The following EPHA6 variants were observed in gnomAD, a reference collection of about 807,000 sequenced individuals.
The protein encoded by EPHA6 is EPH receptor A6.
Under a neutral mutation model 112.0 loss-of-function variants are expected in EPHA6, and 50 were observed. That is an observed-to-expected ratio of 0.45 (90% CI 0.36 to 0.56). The LOEUF is 0.56. EPHA6 is among the 20% of genes least tolerant of loss of function. The pLI is 0.00. For synonymous variants in EPHA6, 529 were observed against 490.7 expected, an observed-to-expected ratio of 1.08 and a Z score of -1.03; for missense variants, 1,280 against 1,417.4, an observed-to-expected ratio of 0.90 and a Z score of 1.56.
intron 10 of EPHA6, among the ~76,000 whole-genome samples, chr3:97,504,180 C>G (rs987184208): frequency 4.6e-5 from 7 of 152,170 alleles, no homozygotes; most frequent in African/African-American, 1.7e-4. Context: ...TTGTTACAGT[C>G]TTGCCAATGC....
chr3:97,591,812 G>A (rs1451899568), intron 11 of EPHA6, among the ~76,000 whole-genome samples: 4 of 152,100 alleles, frequency 2.6e-5, no homozygotes, highest in Admixed American at 2.6e-4. Context: ...TCTAGTGTGG[G>A]AAGAGTTTGT....
At chr3:97,581,521 G>T (rs931232857) in intron 11 of EPHA6, among the ~76,000 whole-genome samples, 1 of 152,130 alleles carries the variant, frequency 6.6e-6, no homozygotes, top group Non-Finnish European at 1.5e-5. Flanking sequence ...TACCTATACT[G>T]CAAGTTAAAA....
chr3:96,894,091 GAAC>G (rs1306202490), intron 2 of EPHA6, among the ~76,000 whole-genome samples: 5 of 152,254 alleles, frequency 3.3e-5, no homozygotes, highest in Admixed American at 3.3e-4. Flanking sequence ...TTTAAGGACA[GAAC>G]AACAGTCTTG....
chr3:97,372,300 G>A (rs749030303), intron 5 of EPHA6, among the ~76,000 whole-genome samples: 1 of 152,114 alleles, frequency 6.6e-6, no homozygotes, highest in Non-Finnish European at 1.5e-5. Flanking sequence ...AAATAGAAAA[G>A]GACCCAAGTG....
At chr3:97,326,738 A>G (rs1057476899) in intron 5 of EPHA6, among the ~76,000 whole-genome samples, 1 of 152,130 alleles carries the variant, frequency 6.6e-6, no homozygotes, top group Non-Finnish European at 1.5e-5. Flanking sequence ...ACTGCAAAGA[A>G]CAAAATGATT....
At chr3:96,989,552 A>C (rs113087063) in intron 3 of EPHA6, among the ~76,000 whole-genome samples, 47 of 152,212 alleles carry the variant, frequency 3.1e-4, no homozygotes, top group Admixed American at 3.1e-3. Context: ...GTTTGTTCTC[A>C]TACTGCTATA....
In EPHA6 at chr3:97,547,193, GT is replaced by G. The variant is rs1274264319; in HGVS notation, c.2386+14654del. Among the ~76,000 whole-genome samples the G allele has an allele frequency of 3.9e-5, 6 of 152,236 alleles. No homozygotes were observed. The East Asian group carries it at 1.2e-3, about 29-fold the overall frequency. ...GCTCTGTTGTTTTCCCATCTTTGTG[GT>G]TTTATCTACCTTTGGTCTTTGATGA... On this transcript the variant is annotated intron_variant, in intron 11 of 17. Coordinates refer to ENST00000389672, the MANE Select transcript of EPHA6 (RefSeq NM_001080448.3).
chr3:97,348,472 T>C (rs1419689709), intron 5 of EPHA6, among the ~76,000 whole-genome samples: 1 of 151,994 alleles, frequency 6.6e-6, no homozygotes, highest in African/African-American at 2.4e-5. Flanking sequence ...ATTCCACATA[T>C]AAGATGGAGT....
chr3:97,552,247 A>T (rs2093038764), intron 11 of EPHA6, among the ~76,000 whole-genome samples: 1 of 152,328 alleles, frequency 6.6e-6, no homozygotes, highest in East Asian at 1.9e-4. Context: ...TTATAAGATA[A>T]AACAAAATAA....
intron 3 of EPHA6, among the ~76,000 whole-genome samples, chr3:97,002,657 A>C (rs981490739): frequency 6.6e-6 from 1 of 151,898 alleles, no homozygotes; most frequent in Non-Finnish European, 1.5e-5. Context: ...GTTTTGAGTG[A>C]CATAAAGAAT....
rs112218744 is a variant in EPHA6 at position 97,231,242 on chromosome 3, T to A, written c.1270+4823T>A. ...GTGAAATATAGAGCTTTAGTCAAGT[T>A]TTCCTAGTCCAGACCCAGGAAGCTT... On this transcript the variant is annotated intron_variant, in intron 4 of 17. Coordinates refer to ENST00000389672, the MANE Select transcript of EPHA6 (RefSeq NM_001080448.3). Among the ~76,000 whole-genome samples, 584 of 152,258 alleles carry A rather than the reference T, an allele frequency of 3.8e-3. 4 individuals are homozygous for A. Among genetic ancestry groups the A allele is most frequent in the African/African-American group, 0.013 (533 of 41,566 alleles).
chr3:97,041,363 C>G (rs913511107), intron 3 of EPHA6, among the ~76,000 whole-genome samples: 1 of 152,014 alleles, frequency 6.6e-6, no homozygotes, highest in African/African-American at 2.4e-5. Context: ...ATAGATGGAA[C>G]TGAAAATTTG....
At chr3:97,492,858 G>A (rs1459088275) in intron 10 of EPHA6, among the ~76,000 whole-genome samples, 2 of 151,972 alleles carry the variant, frequency 1.3e-5, no homozygotes, top group Non-Finnish European at 2.9e-5. Flanking sequence ...AGCATTAGAA[G>A]TGGTAGAATA....
At chr3:96,885,205 C>G (rs956195635) in intron 2 of EPHA6, among the ~76,000 whole-genome samples, 1 of 152,000 alleles carries the variant, frequency 6.6e-6, no homozygotes, top group African/African-American at 2.4e-5. Context: ...TATGTCCTTT[C>G]CTGGTTTTGG....
At chr3:96,918,943 TAC>T (rs2039620619) in intron 2 of EPHA6, among the ~76,000 whole-genome samples, 3 of 152,030 alleles carry the variant, frequency 2.0e-5, no homozygotes, top group African/African-American at 7.2e-5. Flanking sequence ...TAATATTTTA[TAC>T]AGTCGATAGC....
At chr3:96,941,539 T>G (rs1174708255) in intron 2 of EPHA6, among the ~76,000 whole-genome samples, 3 of 152,252 alleles carry the variant, frequency 2.0e-5, no homozygotes, top group African/African-American at 7.2e-5. Context: ...TGCCATTGGT[T>G]TGAATTTCTT....
Position 97,448,648 on chromosome 3 carries a change from A to T in EPHA6, c.1812A>T (p.Lys604Asn), listed in dbSNP as rs1343432513. Residue 604 changes from lysine (K) to asparagine (N), a missense_variant, in exon 7 of 18, where the codon AAA (lysine) becomes AAT (asparagine). By Grantham distance (94) the Lys-to-Asn change is moderately conservative. Around this residue, in one of 4 missense-constraint regions of EPHA6, gnomAD observed 878 missense variants for 999.7 expected, o/e 0.88. Transcript: ENST00000389672. ...TCACAGGTCTTAAGCCAGCCACCAA[A>T]TATGTATTTCACATCCGAGTGAGAA... ...VIITGLKPAT[K>N]YVFHIRVRTA... The T allele has an allele frequency of 2.8e-5, 45 of 1,613,464 alleles. No homozygotes were observed. The highest frequency in any genetic ancestry group is 3.7e-5 in the Non-Finnish European group (44 of 1,179,616).
At chr3:96,922,643 C>CT (rs958472269) in intron 2 of EPHA6, among the ~76,000 whole-genome samples, 19 of 149,482 alleles carry the variant, frequency 1.3e-4, no homozygotes, top group East Asian at 7.8e-4. Context: ...ATTCATTCCA[C>CT]TTTTTTTTTT....
chr3:96,925,537 T>C (rs1482058557), intron 2 of EPHA6, among the ~76,000 whole-genome samples: 1 of 152,098 alleles, frequency 6.6e-6, no homozygotes, highest in Non-Finnish European at 1.5e-5. Context: ...TTAGTCTTCT[T>C]TATTAGTCTA....
Sources: allele counts gnomAD v4.1 joint callset (sites outside exome capture counted in the v4.1 genomes callset), GRCh38; gene constraint gnomAD v4.1.1; regional missense constraint gnomAD v4.1.1; transcripts MANE v1.5; gene names NCBI Gene and HGNC (gene_info 2026-07-23, HGNC 2026-07-21).